ABCA10: variants seen among roughly 807,000 people sequenced by gnomAD.
ABCA10 encodes the protein ATP binding cassette subfamily A member 10, also known as ATP-binding cassette sub-family A member 10.
Under a neutral mutation model 187.5 loss-of-function variants are expected in ABCA10, and 169 were observed. The observed-to-expected ratio is 0.90, with a 90% confidence interval of 0.80 to 1.02. ABCA10 has a LOEUF of 1.02. Among genes scored for constraint, ABCA10 ranks in the 50% least tolerant of loss-of-function variants. ABCA10 has a pLI of 0.00. For synonymous variants in ABCA10, 574 were observed against 601.8 expected, an observed-to-expected ratio of 0.95 and a Z score of 0.68; for missense variants, 1,727 against 1,812.4, an observed-to-expected ratio of 0.95 and a Z score of 0.86.
intron 9 of ABCA10, among the ~76,000 whole-genome samples, chr17:69,208,847 G>C (rs916594590): frequency 2.6e-5 from 4 of 151,994 alleles, no homozygotes; most frequent in Non-Finnish European, 5.9e-5. Context: ...GACCAGCCTG[G>C]GCAACGTAGC....
chr17:69,217,758 T>G (rs2074717090), intron 6 of ABCA10, among the ~76,000 whole-genome samples: 1 of 152,174 alleles, frequency 6.6e-6, no homozygotes, highest in African/African-American at 2.4e-5. Context: ...ACCTTAATAC[T>G]TGGGATACTT....
chr17:69,216,292 T>C lies in ABCA10; in HGVS notation c.597A>G (p.Ile199Met), dbSNP rs1277096197. ...FIMSIFMALV[I>M]TSIPIVFHTG... Reference sequence around the variant, plus strand: ...TATGAAATACAATTGGGATTGATGTTATGACCAGAGCCATAAAAATGGACA... The same window carrying C: ...TATGAAATACAATTGGGATTGATGTCATGACCAGAGCCATAAAAATGGACA... The change falls in exon 7 of 39, where the codon ATA (isoleucine) becomes ATG (methionine). Residue 199 changes from isoleucine (I) to methionine (M), a missense_variant. Transcript: ENST00000690296. 2 of 1,613,596 alleles carry C rather than the reference T, an allele frequency of 1.2e-6. No homozygotes were observed. The highest frequency in any genetic ancestry group is 2.2e-5 in the South Asian group (2 of 91,048).
intron 29 of ABCA10, 59 bp from the exon 30 acceptor site, chr17:69,155,195 T>C: frequency 7.4e-7 from 1 of 1,349,858 alleles, no homozygotes; most frequent in Non-Finnish European, 1.0e-6. Flanking sequence ...TACGAATTGA[T>C]GTTTTATTTT....
At chr17:69,239,115 G>A (rs1358379750) in intron 1 of ABCA10, among the ~76,000 whole-genome samples, 36 of 152,202 alleles carry the variant, frequency 2.4e-4, no homozygotes, top group Admixed American at 2.4e-3. Flanking sequence ...GTACAGAGGT[G>A]ATTGGGGTGT....
At chr17:69,211,698 T>C (rs921674311) in intron 9 of ABCA10, among the ~76,000 whole-genome samples, 1 of 152,198 alleles carries the variant, frequency 6.6e-6, no homozygotes, top group South Asian at 2.1e-4. Flanking sequence ...TATTTCTTCC[T>C]GGTTTATTCT....
chr17:69,205,193 T>G (rs1465720024), intron 9 of ABCA10, among the ~76,000 whole-genome samples: 2 of 152,078 alleles, frequency 1.3e-5, no homozygotes, highest in Admixed American at 6.6e-5. Context: ...TAAGTGAAAT[T>G]TAATCAAATG....
In ABCA10 at chr17:69,174,412, C is replaced by T; in HGVS notation, c.3049-18G>A. On this transcript the variant is annotated intron_variant, in intron 24 of 38. Coordinates refer to ENST00000690296, the MANE Select transcript of ABCA10 (RefSeq NM_001377321.1). ...CATACCACCTGCAAATAATGAGGAT[C>T]AATGGCAAGATTAGAAATGGCAGGT... is the stretch of plus-strand genomic sequence containing the variant. 1 of 1,552,860 alleles carries T rather than the reference C, an allele frequency of 6.4e-7. No homozygotes were observed. Among genetic ancestry groups the T allele is most frequent in the Non-Finnish European group, 8.7e-7 (1 of 1,143,586 alleles).
At position 69,153,891 on chromosome 17, in the gene ABCA10, A is replaced by G. The variant is rs1273353251; in HGVS notation, c.3905T>C (p.Leu1302Ser). Residue 1302 changes from leucine (L) to serine (S), a missense_variant, in exon 32 of 39, where the codon TTG (leucine) becomes TCG (serine). Transcript: ENST00000690296. Reference sequence around the variant, plus strand: ...TCCTTTCACAGCTGCATACAACTCCAAGTGCTCTTTCATTGTAAGCTTGGG... The same window carrying G: ...TCCTTTCACAGCTGCATACAACTCCGAGTGCTCTTTCATTGTAAGCTTGGG... The part of the protein sequence containing the change: ...LWPKLTMKEH[L>S]ELYAAVKGLG... 8 of 1,614,100 alleles carry G rather than the reference A, an allele frequency of 5.0e-6. No individual in the cohort carries two copies. Among genetic ancestry groups the G allele is most frequent in the Non-Finnish European group, 6.8e-6 (8 of 1,179,980 alleles).
At chr17:69,204,957 C>T (rs182615477) in intron 9 of ABCA10, among the ~76,000 whole-genome samples, 381 of 152,074 alleles carry the variant, frequency 2.5e-3, no homozygotes, top group Non-Finnish European at 4.7e-3. Context: ...GGCAAAACCC[C>T]GTATCTACAA....
intron 25 of ABCA10, among the ~76,000 whole-genome samples, chr17:69,173,951 A>G (rs566818380): frequency 6.6e-6 from 1 of 152,124 alleles, no homozygotes; most frequent in Admixed American, 6.6e-5. Context: ...GATTCTTTTC[A>G]GTTTTTCCCA....
intron 13 of ABCA10, 50 bp downstream of exon 13, chr17:69,193,764 G>A: frequency 6.3e-7 from 1 of 1,587,060 alleles, no homozygotes; most frequent in South Asian, 1.2e-5. Flanking sequence ...AAAATATATA[G>A]TCAAAAGTAA....
chr17:69,181,152 T>C (rs909746047), intron 22 of ABCA10, among the ~76,000 whole-genome samples: 8 of 152,280 alleles, frequency 5.3e-5, no homozygotes, highest in Admixed American at 2.0e-4. Flanking sequence ...TGGGTGTGTA[T>C]ACATACATAC....
chr17:69,236,911 A>C (rs553759301), intron 1 of ABCA10, among the ~76,000 whole-genome samples: 1 of 152,318 alleles, frequency 6.6e-6, no homozygotes, highest in African/African-American at 2.4e-5. Flanking sequence ...CAATAGTACC[A>C]AGGTTAAGAT....
chr17:69,164,030 G>A, intron 27 of ABCA10, 44 bp downstream of exon 27: 1 of 1,423,636 alleles, frequency 7.0e-7, no homozygotes, highest in Non-Finnish European at 9.4e-7. Context: ...ACGGGGCTAT[G>A]AATCTTATGC....
At chr17:69,173,222 T>C (rs2074310394) in intron 25 of ABCA10, among the ~76,000 whole-genome samples, 1 of 152,186 alleles carries the variant, frequency 6.6e-6, no homozygotes, top group Non-Finnish European at 1.5e-5. Flanking sequence ...GTACAACCAT[T>C]GATAAAACTG....
At chr17:69,191,581 T>C (rs948910822) in intron 16 of ABCA10, among the ~76,000 whole-genome samples, 1 of 152,166 alleles carries the variant, frequency 6.6e-6, no homozygotes, top group East Asian at 1.9e-4. Flanking sequence ...TAAAGCACAG[T>C]GACATTTTAG....
Position 69,194,370 on chromosome 17 carries a change from A to C in ABCA10, c.1345+15T>G. ...GCTTTTTCAGCCAACTTACTTTATA[A>C]AACTGTTTTCTCACCTTCTGTAGAA... is the stretch of plus-strand genomic sequence containing the variant. On this transcript the variant is annotated intron_variant, in intron 12 of 38. Coordinates refer to ENST00000690296, the MANE Select transcript of ABCA10 (RefSeq NM_001377321.1). The C allele has an allele frequency of 1.9e-6, 3 of 1,593,242 alleles. No individual in the cohort carries two copies. Among genetic ancestry groups the C allele is most frequent in the Non-Finnish European group, 2.6e-6 (3 of 1,164,600 alleles).
At chr17:69,183,098 A>C (rs1188037472) in intron 20 of ABCA10, among the ~76,000 whole-genome samples, 1 of 152,156 alleles carries the variant, frequency 6.6e-6, no homozygotes, top group Non-Finnish European at 1.5e-5. Flanking sequence ...TGCATTTCTC[A>C]CAGGAAGAAA....
intron 19 of ABCA10, 146 bp from the exon 20 acceptor site, chr17:69,185,789 T>C (rs900622169): frequency 5.3e-6 from 3 of 563,260 alleles, no homozygotes; most frequent in African/African-American, 3.7e-5. Flanking sequence ...ACAGTGACAG[T>C]AATCTGAAAA....
Sources: gnomAD v4.1 joint callset for allele counts (sites outside exome capture counted in the v4.1 genomes callset) on GRCh38, gnomAD v4.1.1 for gene constraint, MANE v1.5 for transcripts, NCBI Gene and HGNC (gene_info 2026-07-23, HGNC 2026-07-21) for gene names.